The following ADAM32 variants were observed in gnomAD, a reference collection of about 807,000 sequenced individuals.
ADAM32 encodes the protein disintegrin and metalloproteinase domain-containing protein 32.
ADAM32 carries 89 observed loss-of-function variants against 114.9 expected under a neutral mutation model. The ratio of observed to expected loss-of-function variants is 0.77; its 90% CI spans 0.65 to 0.92. The LOEUF is 0.92. Ranked by LOEUF, ADAM32 falls within the 40% of genes least tolerant of loss-of-function variation. ADAM32 has a pLI of 0.00. For missense variants in ADAM32, 870 were observed against 932.8 expected (o/e 0.93, Z 0.88); for synonymous variants, 285 against 307.5 (o/e 0.93, Z 0.77).
At chr8:39,273,655 C>G (rs182044028) in intron 20 of ADAM32, among the ~76,000 whole-genome samples, 1 of 152,220 alleles carries the variant, frequency 6.6e-6, no homozygotes, top group Non-Finnish European at 1.5e-5. Context: ...ATATGACTGG[C>G]AGCACTGTAG....
In ADAM32 at chr8:39,149,812, A is replaced by G. The variant is rs1803712017; in HGVS notation, c.298A>G (p.Asn100Asp). 2 of 1,611,648 alleles carry G rather than the reference A, an allele frequency of 1.2e-6. No individual in the cohort carries two copies. Among genetic ancestry groups the G allele is most frequent in the Admixed American group, 1.7e-5 (1 of 59,852 alleles). Reference protein sequence around the residue: ...DIQTQCYYQGNIEGYPDSMVT... With the variant: ...DIQTQCYYQGDIEGYPDSMVT... The stretch of plus-strand genomic sequence containing the variant: ...CTAGACTCAATGCTACTATCAAGGA[A>G]ATATTGAAGGATATCCAGATTCCAT... Residue 100 changes from asparagine (N) to aspartate (D), a missense_variant, in exon 5 of 25, where the codon AAT becomes GAT. Coordinates refer to ENST00000379907, the MANE Select transcript of ADAM32 (RefSeq NM_145004.7).
At chr8:39,133,415 A>ATT (rs1240011937) in intron 2 of ADAM32, among the ~76,000 whole-genome samples, 1 of 152,176 alleles carries the variant, frequency 6.6e-6, no homozygotes, top group African/African-American at 2.4e-5. Flanking sequence ...TTCCCAGTGG[A>ATT]TTAGGCTATG....
intron 2 of ADAM32, among the ~76,000 whole-genome samples, chr8:39,122,570 A>G (rs1250192733): frequency 6.6e-6 from 1 of 152,182 alleles, no homozygotes; most frequent in Non-Finnish European, 1.5e-5. Context: ...TGAGAAAATA[A>G]CATTTCTGTT....
chr8:39,276,462 A>C (rs1813077255), intron 22 of ADAM32, among the ~76,000 whole-genome samples: 1 of 152,172 alleles, frequency 6.6e-6, no homozygotes, highest in Non-Finnish European at 1.5e-5. Flanking sequence ...GTCCTTCTGC[A>C]GATATAAAAT....
At chr8:39,235,594 A>G (rs1049435874) in intron 16 of ADAM32, among the ~76,000 whole-genome samples, 4 of 152,188 alleles carry the variant, frequency 2.6e-5, no homozygotes, top group Admixed American at 6.5e-5. Context: ...TCTTTTTAAT[A>G]ACCCAGACAA....
At chr8:39,110,666 A>C (rs1208142079) in intron 1 of ADAM32, among the ~76,000 whole-genome samples, 2 of 152,366 alleles carry the variant, frequency 1.3e-5, no homozygotes, top group Middle Eastern at 3.4e-3. Flanking sequence ...CCAGCAATGA[A>C]TGAGAACTTC....
intron 12 of ADAM32, among the ~76,000 whole-genome samples, chr8:39,211,968 TTAAC>T (rs1216094424): frequency 1.3e-5 from 2 of 152,134 alleles, no homozygotes; most frequent in African/African-American, 2.4e-5. Context: ...TGTATTATGT[TTAAC>T]TATTTGGTAG....
At chr8:39,118,857 G>C (rs1429752957) in intron 2 of ADAM32, among the ~76,000 whole-genome samples, 1 of 152,132 alleles carries the variant, frequency 6.6e-6, no homozygotes, top group Non-Finnish European at 1.5e-5. Context: ...CATTACCACA[G>C]TCCAGTTGTA....
intron 14 of ADAM32, 48 bp from the exon 15 acceptor site, chr8:39,231,979 G>T: frequency 2.1e-6 from 3 of 1,438,344 alleles, no homozygotes; most frequent in East Asian, 2.3e-5. Flanking sequence ...GGAGGAAGAT[G>T]AAAAACCAAT....
intron 15 of ADAM32, among the ~76,000 whole-genome samples, chr8:39,233,259 T>C (rs1809867959): frequency 6.6e-6 from 1 of 152,182 alleles, no homozygotes; most frequent in African/African-American, 2.4e-5. Flanking sequence ...TATTGTTACT[T>C]CTTTATTATA....
chr8:39,257,134 A>T, intron 18 of ADAM32, 53 bp from the exon 19 acceptor site: 1 of 1,460,476 alleles, frequency 6.8e-7, no homozygotes, highest in Non-Finnish European at 9.1e-7. Context: ...CTTGAAAGTA[A>T]AAGTAGATAG....
At chr8:39,175,284 A>C (rs927698548) in intron 10 of ADAM32, among the ~76,000 whole-genome samples, 1 of 152,224 alleles carries the variant, frequency 6.6e-6, no homozygotes, top group East Asian at 1.9e-4. Flanking sequence ...GAATGCTTCC[A>C]GCTTTTGCCC....
chr8:39,226,803 T>C (rs1809401292), intron 14 of ADAM32, among the ~76,000 whole-genome samples: 1 of 152,098 alleles, frequency 6.6e-6, no homozygotes, highest in South Asian at 2.1e-4. Flanking sequence ...AAGACTAATA[T>C]GTAGTATGGA....
intron 9 of ADAM32, chr8:39,169,550 G>T: frequency 6.3e-6 from 1 of 159,328 alleles, no homozygotes; most frequent in Non-Finnish European, 1.4e-5. Context: ...TACTACCTGG[G>T]AGCAACATAT....
At chr8:39,133,803 G>A (rs1564458115) in intron 2 of ADAM32, among the ~76,000 whole-genome samples, 1 of 152,234 alleles carries the variant, frequency 6.6e-6, no homozygotes, top group Non-Finnish European at 1.5e-5. Context: ...TGTAGGCACA[G>A]TGGTGTTGGG....
At chr8:39,142,496 A>C (rs1289528730) in intron 3 of ADAM32, among the ~76,000 whole-genome samples, 2 of 152,212 alleles carry the variant, frequency 1.3e-5, no homozygotes, top group African/African-American at 2.4e-5. Context: ...TTCTGGGTTG[A>C]AAATTCTTTT....
intron 10 of ADAM32, among the ~76,000 whole-genome samples, chr8:39,174,391 T>A (rs1362316716): frequency 6.6e-6 from 1 of 152,210 alleles, no homozygotes. Context: ...TGAAGTTGGG[T>A]AGCATGATGC....
intron 11 of ADAM32, among the ~76,000 whole-genome samples, chr8:39,189,794 C>T (rs1054658421): frequency 6.6e-6 from 1 of 152,060 alleles, no homozygotes; most frequent in Admixed American, 6.6e-5. Flanking sequence ...AAGCATTATT[C>T]TACTCTATAT....
At chr8:39,142,998 G>A (rs1009062296) in intron 3 of ADAM32, among the ~76,000 whole-genome samples, 5 of 151,920 alleles carry the variant, frequency 3.3e-5, no homozygotes, top group South Asian at 2.1e-4. Context: ...TGATCGAATC[G>A]GCTATTGAAG....
Sources: gnomAD v4.1 joint callset for allele counts (sites outside exome capture counted in the v4.1 genomes callset) on GRCh38, gnomAD v4.1.1 for gene constraint, MANE v1.5 for transcripts, NCBI Gene and HGNC (gene_info 2026-07-23, HGNC 2026-07-21) for gene names.